The following FOXP1 variants were observed in gnomAD, a reference collection of about 807,000 sequenced individuals.
FOXP1 encodes the protein forkhead box protein P1.
Under a neutral mutation model 98.2 loss-of-function variants are expected in FOXP1, and 15 were observed. The observed-to-expected ratio is 0.15, with a 90% CI of 0.10 to 0.24. The LOEUF is 0.24. FOXP1 is among the 10% of genes least tolerant of loss of function. The pLI, the probability that FOXP1 is intolerant of heterozygous loss-of-function variation, is 1.00. For missense variants in FOXP1, 633 were observed against 848.5 expected, an observed-to-expected ratio of 0.75 and a Z score of 3.15; for synonymous variants, 371 against 314.5, an observed-to-expected ratio of 1.18 and a Z score of -1.90.
intron 5 of FOXP1, among the ~76,000 whole-genome samples, chr3:71,233,257 A>G (rs1576503117): frequency 2.3e-5 from 2 of 85,438 alleles, no homozygotes; most frequent in African/African-American, 4.5e-5. Context: ...AGAGGAGGGA[A>G]GGGGAGGAGA....
At chr3:71,414,425 C>T (rs1448121083) in intron 3 of FOXP1, among the ~76,000 whole-genome samples, 1 of 152,216 alleles carries the variant, frequency 6.6e-6, no homozygotes, top group Non-Finnish European at 1.5e-5. Context: ...GTCACAGATG[C>T]ACTGCCCAGA....
At chr3:71,358,050 T>A (rs1352876613) in intron 4 of FOXP1, among the ~76,000 whole-genome samples, 1 of 152,182 alleles carries the variant, frequency 6.6e-6, no homozygotes, top group Non-Finnish European at 1.5e-5. Flanking sequence ...TAATTAGTAT[T>A]GCTAGCCCAG....
At chr3:71,333,922 G>A (rs1240004238) in intron 4 of FOXP1, 2 of 151,714 alleles carry the variant, frequency 1.3e-5, no homozygotes, top group Admixed American at 6.6e-5. Flanking sequence ...TTGAAAAAAA[G>A]AAAAATCATT....
intron 3 of FOXP1, among the ~76,000 whole-genome samples, chr3:71,400,699 T>C (rs982187581): frequency 3.3e-5 from 5 of 152,158 alleles, no homozygotes; most frequent in Non-Finnish European, 7.4e-5. Flanking sequence ...TTCATCTGAA[T>C]ACAGAACCTC....
intron 12 of FOXP1, among the ~76,000 whole-genome samples, chr3:71,001,375 GA>G (rs1281614551): frequency 6.6e-6 from 1 of 152,308 alleles, no homozygotes; most frequent in African/African-American, 2.4e-5. Context: ...GCAGCAATCA[GA>G]GACAGGGCCT....
At chr3:71,405,848 C>T (rs560669124) in intron 3 of FOXP1, among the ~76,000 whole-genome samples, 4 of 152,148 alleles carry the variant, frequency 2.6e-5, no homozygotes, top group South Asian at 2.1e-4. Flanking sequence ...CTTGCCTCAG[C>T]CTCCCAAGTA....
intron 2 of FOXP1, among the ~76,000 whole-genome samples, chr3:71,503,280 T>C (rs1178573725): frequency 6.6e-6 from 1 of 152,150 alleles, no homozygotes; most frequent in Non-Finnish European, 1.5e-5. Flanking sequence ...CCAGAGGCCT[T>C]TGTAGTTAGT....
At chr3:71,431,219 A>G (rs2084687114) in intron 3 of FOXP1, among the ~76,000 whole-genome samples, 1 of 152,160 alleles carries the variant, frequency 6.6e-6, no homozygotes, top group African/African-American at 2.4e-5. Context: ...CAATGGGAGC[A>G]GAGTTCAGTG....
chr3:71,077,329 C>T (rs1046165375), intron 7 of FOXP1, among the ~76,000 whole-genome samples: 1 of 152,180 alleles, frequency 6.6e-6, no homozygotes, highest in African/African-American at 2.4e-5. Context: ...GGCAGCCTCG[C>T]TGTACTGAAG....
intron 11 of FOXP1, among the ~76,000 whole-genome samples, chr3:71,036,917 C>T (rs1230934315): frequency 6.6e-6 from 1 of 152,168 alleles, no homozygotes; most frequent in Admixed American, 6.6e-5. Context: ...TTTAGGGACA[C>T]TCATTTTATC....
At chr3:71,025,522 G>C (rs1395141071) in intron 11 of FOXP1, among the ~76,000 whole-genome samples, 1 of 152,124 alleles carries the variant, frequency 6.6e-6, no homozygotes, top group Non-Finnish European at 1.5e-5. Flanking sequence ...ATATGTAAGG[G>C]GGTGGCACTG....
At chr3:71,458,079 A>C (rs190194243) in intron 3 of FOXP1, among the ~76,000 whole-genome samples, 1 of 152,190 alleles carries the variant, frequency 6.6e-6, no homozygotes, top group African/African-American at 2.4e-5. Context: ...CCTACCAGTC[A>C]GATATTTACA....
chr3:71,228,180 A>G (rs527430824), intron 5 of FOXP1, among the ~76,000 whole-genome samples: 1 of 152,228 alleles, frequency 6.6e-6, no homozygotes, highest in African/African-American at 2.4e-5. Context: ...GAAAGAGAGG[A>G]TATTTAGGGA....
At chr3:71,313,883 G>GA (rs2074887938) in intron 4 of FOXP1, among the ~76,000 whole-genome samples, 1 of 152,126 alleles carries the variant, frequency 6.6e-6, no homozygotes, top group African/African-American at 2.4e-5. Flanking sequence ...AAGTATTACA[G>GA]AATATAGTAC....
intron 3 of FOXP1, among the ~76,000 whole-genome samples, chr3:71,372,279 G>A (rs1052987394): frequency 6.6e-6 from 1 of 151,172 alleles, no homozygotes. Flanking sequence ...GTCTCAGCCT[G>A]CCAACGTGCT....
intron 3 of FOXP1, among the ~76,000 whole-genome samples, chr3:71,393,680 C>G (rs1185958152): frequency 6.6e-6 from 1 of 152,150 alleles, no homozygotes; most frequent in Non-Finnish European, 1.5e-5. Flanking sequence ...GCAAAATTCT[C>G]TAAACTTAAC....
chr3:71,481,632 A>T (rs2090284652), intron 3 of FOXP1, among the ~76,000 whole-genome samples: 1 of 152,170 alleles, frequency 6.6e-6, no homozygotes, highest in South Asian at 2.1e-4. Context: ...CCAACCCCAA[A>T]AACAATACTT....
At chr3:70,968,932 A>G (rs1194551979) in intron 19 of FOXP1, 2 of 152,218 alleles carry the variant, frequency 1.3e-5, no homozygotes, top group Non-Finnish European at 2.9e-5. Context: ...ATGAATTTGT[A>G]TCAATTTATT....
intron 2 of FOXP1, among the ~76,000 whole-genome samples, chr3:71,552,750 C>A (rs769815563): frequency 1.3e-5 from 2 of 151,838 alleles, no homozygotes; most frequent in African/African-American, 4.8e-5. Flanking sequence ...CAAGTATTTG[C>A]GTAGTTACTT....
Sources: gnomAD v4.1 joint callset for allele counts (sites outside exome capture counted in the v4.1 genomes callset) on GRCh38, gnomAD v4.1.1 for gene constraint, MANE v1.5 for transcripts, NCBI Gene and HGNC (gene_info 2026-07-23, HGNC 2026-07-21) for gene names.